The following PIBF1 variants were observed in gnomAD, a reference collection of about 807,000 sequenced individuals.
PIBF1 encodes progesterone immunomodulatory binding factor 1, also known as progesterone-induced-blocking factor 1.
A neutral mutation model predicts 112.5 loss-of-function variants in PIBF1; 90 were observed. The ratio of observed to expected loss-of-function variants is 0.80; its 90% confidence interval spans 0.67 to 0.95. The LOEUF (loss-of-function observed/expected upper bound fraction) is 0.95, where lower values mean the gene tolerates loss of function less well. Among genes scored for constraint, PIBF1 ranks in the 40% least tolerant of loss-of-function variants. PIBF1 has a pLI of 0.00. For synonymous variants in PIBF1, 301 were observed against 288.6 expected (o/e 1.04, Z -0.44); for missense variants, 915 against 852.3 (o/e 1.07, Z -0.92).
At chr13:72,990,520 C>CAAATAAATTAATTAA (rs1204552369) in intron 16 of PIBF1, among the ~76,000 whole-genome samples, 2 of 135,882 alleles carry the variant, frequency 1.5e-5, no homozygotes, top group South Asian at 2.3e-4. Flanking sequence ...GACTCCATCT[C>CAAATAAATTAATTAA]TCCATCTCAA....
At chr13:72,817,392 G>A (rs2036324407) in intron 5 of PIBF1, among the ~76,000 whole-genome samples, 1 of 152,110 alleles carries the variant, frequency 6.6e-6, no homozygotes, top group African/African-American at 2.4e-5. Context: ...TGTTAGTAAG[G>A]GCTGATGACT....
chr13:72,898,243 T>C (rs2040353115), intron 11 of PIBF1, among the ~76,000 whole-genome samples: 1 of 151,912 alleles, frequency 6.6e-6, no homozygotes, highest in African/African-American at 2.4e-5. Flanking sequence ...AAGATGGAAA[T>C]TTAAAAATTG....
intron 17 of PIBF1, among the ~76,000 whole-genome samples, chr13:73,009,956 A>T (rs535250545): frequency 1.3e-5 from 2 of 152,298 alleles, no homozygotes; most frequent in African/African-American, 4.8e-5. Context: ...TTTTAATGCC[A>T]AAGTTTTTAT....
chr13:72,896,995 C>T lies in PIBF1; in HGVS notation c.1488+3046C>T, dbSNP rs148230666. Among the ~76,000 whole-genome samples the T allele has an allele frequency of 1.8e-4, 28 of 152,208 alleles. No individual in the cohort carries two copies. The East Asian group carries it at 5.2e-3, about 28-fold the overall frequency. On this transcript the variant is annotated intron_variant, in intron 11 of 17. Coordinates refer to ENST00000326291, the MANE Select transcript of PIBF1 (RefSeq NM_006346.4). The stretch of plus-strand genomic sequence containing the variant: ...AAAGATTTTCGCCTAGGCACATTGT[C>T]GTCAGGTTATCCAAAGTTAAGACGA...
chr13:72,841,409 T>G (rs763579824), intron 9 of PIBF1, among the ~76,000 whole-genome samples: 20 of 152,188 alleles, frequency 1.3e-4, no homozygotes, highest in Non-Finnish European at 2.9e-4. Flanking sequence ...TTGATCCTGG[T>G]TCTACCACTT....
chr13:72,928,006 C>CACAA (rs750684543), intron 13 of PIBF1, among the ~76,000 whole-genome samples: 1 of 101,816 alleles, frequency 9.8e-6, no homozygotes, highest in East Asian at 2.7e-4. Context: ...CATATATATA[C>CACAA]ATATATATAC....
intron 14 of PIBF1, among the ~76,000 whole-genome samples, chr13:72,949,587 G>A (rs925704944): frequency 6.6e-6 from 1 of 152,116 alleles, no homozygotes; most frequent in African/African-American, 2.4e-5. Context: ...AAAGTGCTGG[G>A]ATTACAGGCG....
chr13:72,792,156 TGTG>T (rs965214618), intron 2 of PIBF1, among the ~76,000 whole-genome samples: 5 of 151,682 alleles, frequency 3.3e-5, no homozygotes, highest in African/African-American at 1.2e-4. Context: ...ATTAACCGGG[TGTG>T]GTGGCACTTG....
At chr13:72,857,212 G>A (rs2038462351) in intron 10 of PIBF1, among the ~76,000 whole-genome samples, 1 of 152,144 alleles carries the variant, frequency 6.6e-6, no homozygotes, top group South Asian at 2.1e-4. Flanking sequence ...AGAAAATTGA[G>A]ATCCATACCT....
At chr13:72,818,708 T>C (rs1281909403) in intron 5 of PIBF1, among the ~76,000 whole-genome samples, 1 of 118,948 alleles carries the variant, frequency 8.4e-6, no homozygotes, top group Non-Finnish European at 1.7e-5. Flanking sequence ...TTTGCCAGTA[T>C]CATCTAATTC....
chr13:72,811,957 C>G (rs2036044232), intron 5 of PIBF1, among the ~76,000 whole-genome samples: 1 of 152,146 alleles, frequency 6.6e-6, no homozygotes, highest in Admixed American at 6.5e-5. Context: ...GAGACATAAT[C>G]TTTTAAAGAG....
At chr13:72,929,256 C>T (rs1180528879) in intron 13 of PIBF1, among the ~76,000 whole-genome samples, 7 of 152,194 alleles carry the variant, frequency 4.6e-5, no homozygotes, top group Middle Eastern at 6.8e-3. Context: ...TGCTTGCAAA[C>T]GTATAATGGA....
intron 2 of PIBF1, among the ~76,000 whole-genome samples, chr13:72,787,034 G>A (rs951462504): frequency 6.6e-6 from 1 of 152,088 alleles, no homozygotes; most frequent in African/African-American, 2.4e-5. Flanking sequence ...TGTGAGTCTG[G>A]AGTTGATGAA....
At chr13:72,837,667 C>T (rs1165696693) in intron 9 of PIBF1, among the ~76,000 whole-genome samples, 1 of 152,070 alleles carries the variant, frequency 6.6e-6, no homozygotes, top group Non-Finnish European at 1.5e-5. Context: ...ATGCTAATAA[C>T]TTCCTTGCTT....
intron 5 of PIBF1, among the ~76,000 whole-genome samples, chr13:72,821,561 A>G (rs138733193): frequency 6.6e-6 from 1 of 152,214 alleles, no homozygotes; most frequent in Non-Finnish European, 1.5e-5. Flanking sequence ...AAGTCATTTA[A>G]CATTTGTAGT....
intron 10 of PIBF1, among the ~76,000 whole-genome samples, chr13:72,864,741 G>T (rs892427881): frequency 6.6e-6 from 1 of 152,100 alleles, no homozygotes; most frequent in Non-Finnish European, 1.5e-5. Flanking sequence ...TATTTTCCAC[G>T]ATTATTTTAA....
intron 10 of PIBF1, among the ~76,000 whole-genome samples, chr13:72,863,425 G>A (rs1383434759): frequency 1.3e-5 from 2 of 152,080 alleles, no homozygotes; most frequent in East Asian, 1.9e-4. Flanking sequence ...GCCAAGGTGG[G>A]CGGATCACGA....
intron 5 of PIBF1, among the ~76,000 whole-genome samples, chr13:72,800,217 G>A (rs906998892): frequency 1.3e-5 from 2 of 152,138 alleles, no homozygotes; most frequent in African/African-American, 4.8e-5. Flanking sequence ...TGTATTTTTA[G>A]TAGAGATAGA....
chr13:72,866,140 C>G (rs1188928802), intron 10 of PIBF1, among the ~76,000 whole-genome samples: 1 of 152,128 alleles, frequency 6.6e-6, no homozygotes, highest in African/African-American at 2.4e-5. Flanking sequence ...TGGCTTTCTC[C>G]TTTGTGTGCC....
Sources: gnomAD v4.1 joint callset for allele counts (sites outside exome capture counted in the v4.1 genomes callset) on GRCh38, gnomAD v4.1.1 for gene constraint, MANE v1.5 for transcripts, NCBI Gene and HGNC (gene_info 2026-07-23, HGNC 2026-07-21) for gene names.